The following SATB1 variants were observed in gnomAD, a reference collection of about 807,000 sequenced individuals.
SATB1 encodes the protein SATB homeobox 1, also known as DNA-binding protein SATB1.
A neutral mutation model predicts 86.9 loss-of-function variants in SATB1; 11 were observed. That is an observed-to-expected ratio of 0.13 (90% confidence interval 0.08 to 0.21). The LOEUF is 0.21. Among genes scored for constraint, SATB1 ranks in the 10% least tolerant of loss-of-function variants. The pLI, the probability that SATB1 is intolerant of heterozygous loss-of-function variation, is 1.00. For synonymous variants in SATB1, 357 were observed against 357.2 expected (o/e 1.00, Z 0.01); for missense variants, 551 against 937.6 (o/e 0.59, Z 5.39).
chr3:18,375,649 CAT>C (rs1695707734), intron 9 of SATB1, among the ~76,000 whole-genome samples: 2 of 152,096 alleles, frequency 1.3e-5, no homozygotes, highest in East Asian at 3.9e-4. Context: ...CACAAAACAT[CAT>C]AGCATGAGAA....
intron 5 of SATB1, among the ~76,000 whole-genome samples, chr3:18,407,466 T>G (rs923621685): frequency 2.6e-5 from 4 of 152,182 alleles, no homozygotes; most frequent in Admixed American, 2.0e-4. Context: ...GATTTCAAAC[T>G]CTCAATGCCC....
chr3:18,350,308 A>C (rs1694286924), intron 10 of SATB1: 1 of 152,356 alleles, frequency 6.6e-6, no homozygotes, highest in African/African-American at 2.4e-5. Flanking sequence ...TGACACTGCA[A>C]GTTTTTTTCT....
intron 5 of SATB1, among the ~76,000 whole-genome samples, chr3:18,402,661 A>T (rs1697329141): frequency 6.6e-6 from 1 of 152,140 alleles, no homozygotes; most frequent in South Asian, 2.1e-4. Flanking sequence ...CTAGTATTTC[A>T]TATGATCTAC....
At chr3:18,411,371 T>C (rs1238475733) in intron 5 of SATB1, among the ~76,000 whole-genome samples, 1 of 152,072 alleles carries the variant, frequency 6.6e-6, no homozygotes, top group Non-Finnish European at 1.5e-5. Context: ...ATATTTGACC[T>C]AAACATTTTT....
intron 9 of SATB1, among the ~76,000 whole-genome samples, chr3:18,365,708 A>G (rs576769468): frequency 1.1e-4 from 17 of 152,338 alleles, no homozygotes; most frequent in African/African-American, 3.6e-4. Context: ...ATGTGGCTCA[A>G]TGCTAATTTG....
At position 18,380,721 on chromosome 3, in the gene SATB1, A is replaced by ATT. The variant is rs77546983; in HGVS notation, c.1420-2398_1420-2397dup. ...TAAGCTATTAGAATTCTAGAATCAC[A>ATT]TTTTTTTTTTTCCTAAACACAAGCT... On this transcript the variant is annotated intron_variant, in intron 8 of 10. Transcript: ENST00000338745. Among the ~76,000 whole-genome samples the ATT allele has an allele frequency of 1.6e-3, 242 of 148,624 alleles. 7 individuals are homozygous for ATT. In the East Asian group the frequency reaches 0.037, roughly 23 times the overall value.
At chr3:18,440,084 A>G (rs964859326), upstream of SATB1, among the ~76,000 whole-genome samples, 1 of 152,194 alleles carries the variant, frequency 6.6e-6, no homozygotes, top group African/African-American at 2.4e-5. Flanking sequence ...AAGAGGAGAC[A>G]CTTTATTGAA....
chr3:18,399,669 T>C (rs887604856), intron 5 of SATB1, among the ~76,000 whole-genome samples: 1 of 152,162 alleles, frequency 6.6e-6, no homozygotes, highest in Non-Finnish European at 1.5e-5. Flanking sequence ...TGTCACATGG[T>C]GTATGCTTAG....
chr3:18,379,063 G>A (rs142278104), intron 8 of SATB1, among the ~76,000 whole-genome samples: 1 of 152,240 alleles, frequency 6.6e-6, no homozygotes, highest in Non-Finnish European at 1.5e-5. Context: ...AAATATTGCT[G>A]TAAGCATCAC....
chr3:18,444,751 G>C lies in SATB1; in HGVS notation c.-25+767C>G. On this transcript the variant is annotated intron_variant, in intron 1 of 3. Transcript: ENST00000415069. The surrounding 1 kb of genome is among the most constrained non-coding windows in gnomAD (Gnocchi z 5.1). ...CGCCGCCGCCGCCGCCGGAGCTGCG[G>C]CTGCCGCGGAAGTTAATTGCAACTT... 1.5e-6 allele frequency: 1 copy of C among 656,558 alleles called. No individual in the cohort carries two copies. The highest frequency in any genetic ancestry group is 2.0e-5 in the African/African-American group (1 of 50,616). The allele number at this position is 656,558 out of a possible 1,614,324, so 40.7% of individuals were successfully genotyped here. A position where few individuals can be genotyped will look rare whatever the true frequency, so the allele number is the denominator to read the frequency against.
At chr3:18,402,427 C>T (rs1697319199) in intron 5 of SATB1, among the ~76,000 whole-genome samples, 1 of 152,086 alleles carries the variant, frequency 6.6e-6, no homozygotes, top group African/African-American at 2.4e-5. Context: ...AATCAACCAA[C>T]CACAGCAAAA....
chr3:18,380,221 G>C (rs1433691563), intron 8 of SATB1, among the ~76,000 whole-genome samples: 3 of 152,090 alleles, frequency 2.0e-5, no homozygotes, highest in African/African-American at 7.2e-5. Flanking sequence ...TATGGAAATG[G>C]GGGCACCAAG....
intron 5 of SATB1, chr3:18,409,622 T>C (rs1234774838): frequency 3.3e-5 from 5 of 152,186 alleles, no homozygotes; most frequent in South Asian, 2.1e-4. Flanking sequence ...TAGTATCAAG[T>C]ACTTCAGTGC....
intron 9 of SATB1, among the ~76,000 whole-genome samples, chr3:18,369,598 A>G (rs1421890800): frequency 1.3e-5 from 2 of 152,154 alleles, no homozygotes; most frequent in Non-Finnish European, 2.9e-5. Context: ...TTCATTTGTG[A>G]AAAATGAACA....
intron 9 of SATB1, among the ~76,000 whole-genome samples, chr3:18,358,549 A>G (rs1341593366): frequency 6.6e-6 from 1 of 152,050 alleles, no homozygotes; most frequent in Non-Finnish European, 1.5e-5. Context: ...TAAAGAAAAC[A>G]TGGAAAATAA....
chr3:18,395,344 A>C (rs1252210063), intron 6 of SATB1, among the ~76,000 whole-genome samples: 1 of 152,214 alleles, frequency 6.6e-6, no homozygotes, highest in Non-Finnish European at 1.5e-5. Flanking sequence ...CAACTAAAAA[A>C]ATTTACAAAT....
rs1696875520 is a variant in SATB1 at position 18,394,765 on chromosome 3, T to C, written c.903A>G (p.Pro301=). The C allele has an allele frequency of 6.2e-7, 1 of 1,614,000 alleles. No homozygotes were observed. ...TTGATACGAGCCCAGGGTGCAGGTTTGGAAGAGGTGTCCGGACAGAGGGCT... is the reference window on the plus strand; with the variant it reads ...TTGATACGAGCCCAGGGTGCAGGTTCGGAAGAGGTGTCCGGACAGAGGGCT... ...GSQPSVRTPL[P]NLHPGLVSTP... Residue 301 remains proline, a synonymous_variant, in exon 7 of 11, where the codon CCA becomes CCG. Coordinates refer to ENST00000338745, the MANE Select transcript of SATB1 (RefSeq NM_002971.6). This position sits in a 1 kb window ranked among gnomAD's most constrained non-coding sequence, Gnocchi z 5.9.
chr3:18,386,958 C>T lies in SATB1; in HGVS notation c.1207-347G>A, dbSNP rs13321420. Among the ~76,000 whole-genome samples, 91,717 of 151,934 alleles carry T rather than the reference C, an allele frequency of 0.6. 28,257 individuals are homozygous for T. The highest frequency in any genetic ancestry group is 0.93 in the East Asian group (4,807 of 5,184). On this transcript the variant is annotated intron_variant, in intron 7 of 10. Coordinates refer to ENST00000338745, the MANE Select transcript of SATB1 (RefSeq NM_002971.6). The surrounding 1 kb of genome is among the most constrained non-coding windows in gnomAD (Gnocchi z 4.5). ...GCAACAGCACTGAACTGTATAGTTC[C>T]CAAGCTGCCTAGACAAAGGCAGTGT...
chr3:18,413,381 G>A (rs1697960598), intron 5 of SATB1, among the ~76,000 whole-genome samples: 1 of 152,028 alleles, frequency 6.6e-6, no homozygotes, highest in Non-Finnish European at 1.5e-5. Flanking sequence ...AATGCCTTAA[G>A]TATTTGTCTG....
Sources: gnomAD v4.1 joint callset for allele counts (sites outside exome capture counted in the v4.1 genomes callset) on GRCh38, gnomAD v4.1.1 for gene constraint, Gnocchi (gnomAD v3.1) non-coding constraint, MANE v1.5 for transcripts, NCBI Gene and HGNC (gene_info 2026-07-23, HGNC 2026-07-21) for gene names.